Variants in LOC112267897 observed in about 807,000 individuals in gnomAD.
the LOC112267897 span, chr13:63,747,170 A>G: frequency 1.3e-6 from 2 of 1,574,354 alleles, no homozygotes; most frequent in Admixed American, 3.4e-5. Flanking sequence ...TTGCTTTAGA[A>G]GATGCTATTC....
the LOC112267897 span, chr13:63,747,243 T>C: frequency 3.3e-6 from 4 of 1,194,116 alleles, no homozygotes; most frequent in Non-Finnish European, 4.8e-6. Context: ...CTAAAGATAA[T>C]ACTGATTCAA....
the LOC112267897 span, chr13:63,747,075 T>C: frequency 6.3e-7 from 1 of 1,596,274 alleles, no homozygotes; most frequent in Non-Finnish European, 8.6e-7. Context: ...GGAACTGGCT[T>C]CGGCTGTGGG....
chr13:63,747,780 T>G, the LOC112267897 span: 1 of 130,258 alleles, frequency 7.7e-6, no homozygotes, highest in East Asian at 2.0e-4. Flanking sequence ...TTATTATTAT[T>G]ATTATTATTA....
the LOC112267897 span, chr13:63,747,176 T>G: frequency 6.4e-7 from 1 of 1,561,798 alleles, no homozygotes; most frequent in Non-Finnish European, 8.7e-7. Context: ...TAGAAGATGC[T>G]ATTCTTCCTG....
the LOC112267897 span, chr13:63,746,981 G>GGCTGTGGCTATGGAACTGGCTACA: frequency 6.9e-7 from 1 of 1,441,612 alleles, no homozygotes; most frequent in African/African-American, 1.4e-5. Flanking sequence ...CTCCAGCTAT[G>GGCTGTGGCTATGGAACTGGCTACA]GCTGTGGCTA....
At chr13:63,747,083 G>C in the LOC112267897 span, 1 of 1,604,920 alleles carries the variant, frequency 6.2e-7, no homozygotes, top group Non-Finnish European at 8.5e-7. Context: ...CTTCGGCTGT[G>C]GGTATGGCTG....
At chr13:63,746,848 T>C in the LOC112267897 span, 2 of 1,409,152 alleles carry the variant, frequency 1.4e-6, no homozygotes, top group East Asian at 4.7e-5. Context: ...GCTCCAGCTA[T>C]GGCTGTGGCT....
the LOC112267897 span, chr13:63,747,232 G>A: frequency 8.6e-6 from 11 of 1,271,902 alleles, no homozygotes; most frequent in Non-Finnish European, 1.2e-5. Context: ...AAATGACACG[G>A]CTAAAGATAA....
chr13:63,747,460 T>G, the LOC112267897 span: 5 of 212,468 alleles, frequency 2.4e-5, no homozygotes, highest in African/African-American at 9.6e-5. Flanking sequence ...ATTGGGGAAG[T>G]CAATCATTTG....
the LOC112267897 span, chr13:63,747,622 C>G: frequency 1.2e-5 from 2 of 163,764 alleles, no homozygotes; most frequent in South Asian, 8.8e-5. Flanking sequence ...TACATTTACC[C>G]TAATGCCTAA....
chr13:63,746,744 G>T, the LOC112267897 span: 1 of 1,300,048 alleles, frequency 7.7e-7, no homozygotes. Flanking sequence ...AGTAGAAGAC[G>T]TCCACACCTC....
At chr13:63,747,039 A>G in the LOC112267897 span, 10 of 1,593,874 alleles carry the variant, frequency 6.3e-6, no homozygotes, top group Non-Finnish European at 7.7e-6. Context: ...AGCTGTGGCT[A>G]TGGCTCTGGC....
At chr13:63,746,754 C>G in the LOC112267897 span, 3 of 1,370,042 alleles carry the variant, frequency 2.2e-6, no homozygotes, top group African/African-American at 1.5e-5. Context: ...GTCCACACCT[C>G]AGAAGCATCT....
the LOC112267897 span, chr13:63,747,246 T>C: frequency 1.7e-6 from 2 of 1,163,578 alleles, no homozygotes; most frequent in South Asian, 1.2e-5. Flanking sequence ...AAGATAATAC[T>C]GATTCAAGGA....
the LOC112267897 span, chr13:63,747,836 T>C: frequency 1.6e-5 from 2 of 122,372 alleles, no homozygotes; most frequent in Admixed American, 7.9e-5. Context: ...TTTCTAGATT[T>C]CAATAAGTTG....
the LOC112267897 span, chr13:63,747,085 G>C: frequency 6.2e-7 from 1 of 1,604,432 alleles, no homozygotes; most frequent in South Asian, 1.1e-5. Flanking sequence ...TCGGCTGTGG[G>C]TATGGCTGTG....
the LOC112267897 span, chr13:63,746,934 G>A: frequency 6.9e-7 from 1 of 1,445,890 alleles, no homozygotes. Flanking sequence ...TGTGGCTATG[G>A]CTGTGGCTAT....
chr13:63,747,246 T>G, the LOC112267897 span: 1 of 1,163,578 alleles, frequency 8.6e-7, no homozygotes, highest in Non-Finnish European at 1.2e-6. Context: ...AAGATAATAC[T>G]GATTCAAGGA....
chr13:63,747,097 T>A, the LOC112267897 span: 1 of 1,603,682 alleles, frequency 6.2e-7, no homozygotes, highest in Non-Finnish European at 8.5e-7. Flanking sequence ...ATGGCTGTGG[T>A]TATGGAACTG....
Sources: gnomAD v4.1 joint callset for allele counts on GRCh38, gnomAD v4.1.1 for gene constraint, MANE v1.5 for transcripts.